CSMD2: variants seen among roughly 807,000 people sequenced by gnomAD.
CSMD2 encodes the protein CUB and sushi domain-containing protein 2.
In CSMD2, 130 loss-of-function variants were observed where a neutral mutation model predicts 398.5. The ratio of observed to expected loss-of-function variants is 0.33; its 90% CI spans 0.28 to 0.38. The LOEUF (loss-of-function observed/expected upper bound fraction) is 0.38, where lower values mean the gene tolerates loss of function less well. CSMD2 is among the 10% of genes least tolerant of loss of function. The pLI is 1.00. For missense variants in CSMD2, 3,829 were observed against 4,764.9 expected (o/e 0.80, Z 5.78); for synonymous variants, 1,828 against 1,908.5 (o/e 0.96, Z 1.10).
chr1:33,591,178 G>A (rs1639426406), intron 44 of CSMD2, among the ~76,000 whole-genome samples: 1 of 151,852 alleles, frequency 6.6e-6, no homozygotes, highest in Admixed American at 6.6e-5. Context: ...AATAGAGACG[G>A]GGTTTCTCCA....
chr1:33,960,719 C>T (rs1458277290), intron 3 of CSMD2, among the ~76,000 whole-genome samples: 1 of 152,236 alleles, frequency 6.6e-6, no homozygotes, highest in African/African-American at 2.4e-5. Context: ...AATCAGACGC[C>T]TCCTCTCCCA....
chr1:33,732,713 C>T (rs1314318239), intron 15 of CSMD2, among the ~76,000 whole-genome samples: 2 of 152,198 alleles, frequency 1.3e-5, no homozygotes, highest in Admixed American at 6.5e-5. Flanking sequence ...TGAGGGGTTG[C>T]TGTCCCCTGT....
chr1:33,906,282 G>T (rs1258754815), intron 5 of CSMD2, among the ~76,000 whole-genome samples: 1 of 152,240 alleles, frequency 6.6e-6, no homozygotes, highest in Non-Finnish European at 1.5e-5. Flanking sequence ...GGCCTTGTGT[G>T]CCCTATCAAG....
At chr1:33,893,910 T>C (rs1463842942) in intron 5 of CSMD2, among the ~76,000 whole-genome samples, 3 of 152,332 alleles carry the variant, frequency 2.0e-5, no homozygotes. Flanking sequence ...TGGCTGATAC[T>C]GGACTTTGAG....
intron 13 of CSMD2, among the ~76,000 whole-genome samples, chr1:33,765,616 G>A (rs509828): frequency 0.17 from 25,834 of 152,074 alleles, 2,958 homozygotes; most frequent in African/African-American, 0.32. Context: ...AAAATAGAAC[G>A]AACTGTTTCT....
chr1:33,736,297 C>T (rs10914768), intron 15 of CSMD2, among the ~76,000 whole-genome samples: 6,583 of 152,094 alleles, frequency 0.043, 443 homozygotes, highest in African/African-American at 0.15. Flanking sequence ...CTGGCTAACA[C>T]GGTGAAACCC....
At position 33,577,587 on chromosome 1, in the gene CSMD2, C is replaced by T. The variant is rs938925586; in HGVS notation, c.7388-103G>A. The T allele has an allele frequency of 8.1e-6, 8 of 990,830 alleles. No individual in the cohort carries two copies. In the Middle Eastern group the frequency reaches 6.8e-4, roughly 84 times the overall value. 61.4% of individuals were successfully genotyped at this position (990,830 alleles called of 1,614,324 possible). A position where few individuals can be genotyped will look rare whatever the true frequency, so the allele number is the denominator to read the frequency against. ...TTTCGTCTCCCCCCCATCCCCTTGT[C>T]TTTGCCACTGCCACATCCTCTGCTG... On this transcript the variant is annotated intron_variant, in intron 48 of 70. Coordinates refer to ENST00000373381, the MANE Select transcript of CSMD2 (RefSeq NM_001281956.2).
chr1:34,066,863 G>A (rs1655173239), intron 2 of CSMD2, among the ~76,000 whole-genome samples: 1 of 152,310 alleles, frequency 6.6e-6, no homozygotes, highest in East Asian at 1.9e-4. Flanking sequence ...ACTATCTGCA[G>A]CTGAGCAGGA....
intron 3 of CSMD2, 133 bp downstream of exon 3, chr1:34,032,461 C>T (rs1380174159): frequency 1.6e-5 from 9 of 559,464 alleles, no homozygotes; most frequent in Admixed American, 4.0e-5. Flanking sequence ...TGGTTAGTAA[C>T]CAGCCTTGTC....
chr1:33,626,581 C>G lies in CSMD2; in HGVS notation c.5201G>C (p.Gly1734Ala), dbSNP rs368586402. ...LLSSLSGSHT[G>A]ESLPLATSNQ... ...GGAGGTGGCCAAGGGCAGTGATTCT[C>G]CTGCCGAGATAAGGGGCAAGGAGGA... is the stretch of plus-strand genomic sequence containing the variant. Residue 1734 changes from glycine (G) to alanine (A), a missense_variant and splice_region_variant, in exon 33 of 71, where the codon GGA (glycine) becomes GCA (alanine). Around this residue, in one of 5 missense-constraint regions of CSMD2, gnomAD observed 2,001 missense variants for 2,567.1 expected, o/e 0.78. Coordinates refer to ENST00000373381, the MANE Select transcript of CSMD2 (RefSeq NM_001281956.2). 1.5e-5 allele frequency: 24 copies of G among 1,595,370 alleles called. No homozygotes were observed. Among genetic ancestry groups the G allele is most frequent in the Admixed American group, 7.0e-5 (4 of 56,848 alleles).
In CSMD2 at chr1:33,605,326, T is replaced by C. The variant is rs1640519931; in HGVS notation, c.6488A>G (p.His2163Arg). Reference sequence around the variant, plus strand: ...GTGGTCCCAGTTCCGGTTGGTGCCATGTTGACACGTGAGGACAGGGTGGCC... The same window carrying C: ...GTGGTCCCAGTTCCGGTTGGTGCCACGTTGACACGTGAGGACAGGGTGGCC... ...LTGHPVLTCQ[H>R]GTNRNWDHPL... Residue 2163 changes from histidine (H) to arginine (R), a missense_variant, in exon 42 of 71, where the codon CAT becomes CGT. Physicochemically the swap from His to Arg is conservative, Grantham distance 29. Transcript: ENST00000373381. 6.2e-7 allele frequency: 1 copy of C among 1,614,162 alleles called. No individual in the cohort carries two copies. Among genetic ancestry groups the C allele is most frequent in the Non-Finnish European group, 8.5e-7 (1 of 1,180,014 alleles).
chr1:34,107,731 C>G (rs913763805), intron 1 of CSMD2, among the ~76,000 whole-genome samples: 1 of 152,224 alleles, frequency 6.6e-6, no homozygotes, highest in African/African-American at 2.4e-5. Flanking sequence ...GTAGCCCTTT[C>G]CTCAAGTGTC....
At chr1:33,541,749 C>A (rs1656365067) in intron 58 of CSMD2, among the ~76,000 whole-genome samples, 1 of 152,230 alleles carries the variant, frequency 6.6e-6, no homozygotes, top group Non-Finnish European at 1.5e-5. Context: ...AAAGTGCCCC[C>A]TCTAAGAGGA....
In CSMD2 at chr1:34,077,253, C is replaced by T. The variant is rs1225697932; in HGVS notation, c.404+11724G>A. ...AGGGTGGATCACAAGGTCAGGAGAT[C>T]GAGACCATCTTGGCTAACACGGTGA... On this transcript the variant is annotated intron_variant, in intron 2 of 70. Coordinates refer to ENST00000373381, the MANE Select transcript of CSMD2 (RefSeq NM_001281956.2). Among the ~76,000 whole-genome samples, 4 of 151,496 alleles carry T rather than the reference C, an allele frequency of 2.6e-5. No individual in the cohort carries two copies. The East Asian group carries it at 5.8e-4, about 22-fold the overall frequency.
rs561348589 is a variant in CSMD2 at position 33,563,563 on chromosome 1, C to T, written c.8380+4030G>A. ...GCTCGCAGTCATTGTCTCACTTAAT[C>T]CTCACAACCCTATGAGGTAGGCACC... On this transcript the variant is annotated intron_variant, in intron 53 of 70. Transcript: ENST00000373381. 2.0e-5 allele frequency among the ~76,000 whole-genome samples: 3 copies of T among 152,180 alleles called. No homozygotes were observed. The South Asian group carries it at 6.2e-4, about 32-fold the overall frequency.
chr1:33,580,627 T>C (rs1279333476), intron 48 of CSMD2, 126 bp downstream of exon 48: 4 of 926,794 alleles, frequency 4.3e-6, no homozygotes, highest in African/African-American at 3.3e-5. Context: ...GGTAGGGGAA[T>C]GGCAAAGACC....
In CSMD2 at chr1:33,542,760, C is replaced by A. The variant is rs199932348; in HGVS notation, c.9237G>T (p.Ser3079=). ...CACTGCCTGTCCAGGTACCATTGAC[C>A]GAGCAGTGACGGCTGAGCAGGCCTG... ...YATGLLSRHC[S]VNGTWTGSDP... Residue 3079 remains serine, a synonymous_variant, in exon 58 of 71, where the codon TCG becomes TCT. Transcript: ENST00000373381. 1.2e-5 allele frequency: 20 copies of A among 1,613,890 alleles called. No individual in the cohort carries two copies. The highest frequency in any genetic ancestry group is 1.6e-5 in the Non-Finnish European group (19 of 1,180,002).
chr1:33,785,213 T>G (rs1653377773), intron 12 of CSMD2, among the ~76,000 whole-genome samples: 1 of 152,258 alleles, frequency 6.6e-6, no homozygotes, highest in African/African-American at 2.4e-5. Context: ...AACAAAAGCT[T>G]AGCCAATACT....
chr1:33,567,880 C>T, intron 52 of CSMD2, 39 bp from the exon 53 acceptor site: 1 of 1,543,244 alleles, frequency 6.5e-7, no homozygotes, highest in Non-Finnish European at 8.7e-7. Flanking sequence ...CCAACTATCC[C>T]ACAACTCATT....
Sources: gnomAD v4.1 joint callset for allele counts (sites outside exome capture counted in the v4.1 genomes callset) on GRCh38, gnomAD v4.1.1 for gene constraint, gnomAD v4.1.1 regional missense constraint, MANE v1.5 for transcripts, NCBI Gene and HGNC (gene_info 2026-07-23, HGNC 2026-07-21) for gene names.